The following GALNT7 variants were observed in gnomAD, a reference collection of about 807,000 sequenced individuals.
GALNT7 encodes the protein N-acetylgalactosaminyltransferase 7.
A neutral mutation model predicts 82.1 loss-of-function variants in GALNT7; 60 were observed. The ratio of observed to expected loss-of-function variants is 0.73; its 90% CI spans 0.59 to 0.91. The LOEUF is 0.91. GALNT7 is among the 40% of genes least tolerant of loss of function. The pLI is 0.00. For missense variants in GALNT7, 660 were observed against 804.2 expected (o/e 0.82, Z 2.17); for synonymous variants, 243 against 275.1 (o/e 0.88, Z 1.15).
intron 1 of GALNT7, among the ~76,000 whole-genome samples, chr4:173,197,722 A>G (rs1732820021): frequency 6.6e-6 from 1 of 152,164 alleles, no homozygotes; most frequent in Non-Finnish European, 1.5e-5. Flanking sequence ...GGGTCATCCC[A>G]TAGGATGTCC....
chr4:173,225,020 AT>A (rs1488316493), intron 1 of GALNT7, among the ~76,000 whole-genome samples: 651 of 5,778 alleles, frequency 0.11, 2 homozygotes, highest in Non-Finnish European at 0.49. Flanking sequence ...GTCTCAAAAA[AT>A]AATAATAATA....
At chr4:173,215,822 T>G (rs1733428725) in intron 1 of GALNT7, among the ~76,000 whole-genome samples, 1 of 152,058 alleles carries the variant, frequency 6.6e-6, no homozygotes, top group African/African-American at 2.4e-5. Context: ...AAAACAGGCT[T>G]TAAAAGGCCG....
Sources: allele counts gnomAD v4.1 joint callset (sites outside exome capture counted in the v4.1 genomes callset), GRCh38; gene constraint gnomAD v4.1.1; transcripts MANE v1.5; gene names NCBI Gene and HGNC (gene_info 2026-07-23, HGNC 2026-07-21).